The following UEVLD variants were observed in gnomAD, a reference collection of about 807,000 sequenced individuals.
The protein encoded by UEVLD is ubiquitin-conjugating enzyme E2 variant 3.
A neutral mutation model predicts 58.6 loss-of-function variants in UEVLD; 47 were observed. The ratio of observed to expected loss-of-function variants is 0.80; its 90% CI spans 0.63 to 1.02. The LOEUF is 1.02. UEVLD is among the 50% of genes least tolerant of loss of function. UEVLD has a pLI of 0.00. For synonymous variants in UEVLD, 197 were observed against 195.3 expected (o/e 1.01, Z -0.07); for missense variants, 510 against 550.6 (o/e 0.93, Z 0.74).
intron 6 of UEVLD, among the ~76,000 whole-genome samples, chr11:18,559,303 A>T (rs1851900375): frequency 6.6e-6 from 1 of 151,800 alleles, no homozygotes; most frequent in South Asian, 2.1e-4. Context: ...GGTTCAAGCG[A>T]TTCTCCTGTC....
Position 18,530,278 on chromosome 11 carries a change from A to T in UEVLD, c.*2042T>A, listed in dbSNP as rs1453745166. 6.6e-6 allele frequency: 1 copy of T among 152,242 alleles called. No homozygotes were observed. Among genetic ancestry groups the T allele is most frequent in the Admixed American group, 6.5e-5 (1 of 15,284 alleles). The allele number at this position is 152,242 out of a possible 1,614,324, so 9.4% of individuals were successfully genotyped here. A position where few individuals can be genotyped will look rare whatever the true frequency, so the allele number is the denominator to read the frequency against. On this transcript the variant is annotated 3_prime_UTR_variant, in exon 12 of 12. Coordinates refer to ENST00000396197, the MANE Select transcript of UEVLD (RefSeq NM_001040697.4). The stretch of plus-strand genomic sequence containing the variant: ...ACTAATTCACGTGCATATTGAAATT[A>T]GATAGAACTAAATGCTTTTCTCTTC...
intron 6 of UEVLD, among the ~76,000 whole-genome samples, chr11:18,559,251 T>G (rs967288767): frequency 1.3e-4 from 20 of 152,038 alleles, no homozygotes; most frequent in African/African-American, 4.6e-4. Flanking sequence ...CAGGCTGGGG[T>G]GCATTAGCAC....
intron 7 of UEVLD, among the ~76,000 whole-genome samples, chr11:18,550,822 C>G (rs147618717): frequency 0.01 from 1,587 of 152,308 alleles, 14 homozygotes; most frequent in Non-Finnish European, 0.017. Flanking sequence ...AAATGCTAGG[C>G]TAGGTGCCTA....
chr11:18,544,566 A>T, intron 9 of UEVLD, 57 bp downstream of exon 9: 1 of 1,550,114 alleles, frequency 6.5e-7, no homozygotes, highest in Non-Finnish European at 8.7e-7. Flanking sequence ...TGGCCTCCCA[A>T]AGTGTTGGAA....
chr11:18,576,774 T>G (rs886358903), intron 2 of UEVLD, among the ~76,000 whole-genome samples: 2 of 152,120 alleles, frequency 1.3e-5, no homozygotes, highest in South Asian at 2.1e-4. Context: ...CAACTTCCCA[T>G]GATTTCATCT....
chr11:18,543,052 C>G (rs917168410), intron 9 of UEVLD, among the ~76,000 whole-genome samples: 2 of 151,972 alleles, frequency 1.3e-5, no homozygotes, highest in African/African-American at 4.8e-5. Context: ...GCTGCCATGC[C>G]TAGCTAATTT....
chr11:18,552,218 C>A (rs1851557725), intron 7 of UEVLD, among the ~76,000 whole-genome samples: 1 of 152,122 alleles, frequency 6.6e-6, no homozygotes, highest in Admixed American at 6.6e-5. Context: ...GACCCTTAAT[C>A]TAGAAAACTG....
At chr11:18,560,948 T>C (rs1327325830) in intron 6 of UEVLD, among the ~76,000 whole-genome samples, 2 of 151,198 alleles carry the variant, frequency 1.3e-5, no homozygotes, top group East Asian at 3.9e-4. Context: ...GAGGTGGAGG[T>C]TGCAGTGAGT....
At chr11:18,575,296 A>T in intron 3 of UEVLD, 51 bp downstream of exon 3, 2 of 1,557,344 alleles carry the variant, frequency 1.3e-6, no homozygotes, top group Non-Finnish European at 1.7e-6. Context: ...AAGTTATTAA[A>T]TGAACTGCTC....
At chr11:18,572,750 G>A (rs1371993321) in intron 3 of UEVLD, among the ~76,000 whole-genome samples, 2 of 149,788 alleles carry the variant, frequency 1.3e-5, no homozygotes, top group African/African-American at 4.9e-5. Flanking sequence ...GTTGCAGTGA[G>A]CTGAGATCAT....
chr11:18,563,180 G>A (rs1445798024), intron 6 of UEVLD, among the ~76,000 whole-genome samples: 2 of 152,020 alleles, frequency 1.3e-5, no homozygotes, highest in African/African-American at 4.8e-5. Flanking sequence ...AGGTTGATGT[G>A]CATGTTATTA....
In UEVLD at chr11:18,579,523, T is replaced by C. The variant is rs1853121639; in HGVS notation, c.43-715A>G. ...TTTGGCACGGCTCATTCACTTGAGATACCTCGACTTTCCCCTCCCACCTTC... is the reference window on the plus strand; with the variant it reads ...TTTGGCACGGCTCATTCACTTGAGACACCTCGACTTTCCCCTCCCACCTTC... On this transcript the variant is annotated intron_variant, in intron 1 of 11. Transcript: ENST00000396197. 4 of 984,890 alleles carry C rather than the reference T, an allele frequency of 4.1e-6. No homozygotes were observed. The Admixed American group carries it at 1.8e-4, about 45-fold the overall frequency. 61.0% of individuals were successfully genotyped at this position (984,890 alleles called of 1,614,324 possible). A position where few individuals can be genotyped will look rare whatever the true frequency, so the allele number is the denominator to read the frequency against.
rs1170731698 is a variant in UEVLD, at chr11:18,575,428, A to AG, written c.128-17_128-16insC. The AG allele has an allele frequency of 6.3e-7, 1 of 1,585,648 alleles. No individual in the cohort carries two copies. Reference sequence around the variant, plus strand: ...TCTTTAAAAACTAGAAGAAAAAAAAAAAAGCCCCAAAATGTGCAATCAGAA... The same window carrying AG: ...TCTTTAAAAACTAGAAGAAAAAAAAAGAAAGCCCCAAAATGTGCAATCAGAA... On this transcript the variant is annotated splice_polypyrimidine_tract_variant and intron_variant, in intron 2 of 11. Transcript: ENST00000396197.
intron 3 of UEVLD, among the ~76,000 whole-genome samples, chr11:18,571,380 A>G (rs1237814350): frequency 6.6e-6 from 1 of 152,110 alleles, no homozygotes; most frequent in African/African-American, 2.4e-5. Context: ...TGTCTATTGA[A>G]GGTATTCCCC....
intron 9 of UEVLD, among the ~76,000 whole-genome samples, chr11:18,542,362 G>A (rs755442020): frequency 5.3e-5 from 8 of 151,958 alleles, no homozygotes; most frequent in Non-Finnish European, 1.2e-4. Context: ...ATGAATGAAT[G>A]GAGACATTCA....
intron 3 of UEVLD, among the ~76,000 whole-genome samples, chr11:18,574,213 C>T (rs1052675253): frequency 5.9e-5 from 9 of 152,242 alleles, no homozygotes; most frequent in African/African-American, 2.2e-4. Flanking sequence ...ACAATCTCGG[C>T]TCACTGCAAC....
intron 11 of UEVLD, among the ~76,000 whole-genome samples, chr11:18,533,690 A>G (rs968664129): frequency 6.6e-6 from 1 of 152,098 alleles, no homozygotes; most frequent in Non-Finnish European, 1.5e-5. Flanking sequence ...AGAAGTCCAC[A>G]CTTTTTTTGT....
At chr11:18,543,318 C>T (rs1404689246) in intron 9 of UEVLD, among the ~76,000 whole-genome samples, 1 of 152,182 alleles carries the variant, frequency 6.6e-6, no homozygotes, top group Non-Finnish European at 1.5e-5. Flanking sequence ...GCTCTTCGAT[C>T]GGGTATTCAC....
chr11:18,536,779 G>A (rs998066968), intron 9 of UEVLD: 1 of 250,572 alleles, frequency 4.0e-6, no homozygotes, highest in African/African-American at 2.3e-5. Context: ...ATAAGCACTT[G>A]ACATTTGTTC....
Sources: gnomAD v4.1 joint callset for allele counts (sites outside exome capture counted in the v4.1 genomes callset) on GRCh38, gnomAD v4.1.1 for gene constraint, MANE v1.5 for transcripts, NCBI Gene and HGNC (gene_info 2026-07-23, HGNC 2026-07-21) for gene names.